The following RFX3 variants were observed in gnomAD, a reference collection of about 807,000 sequenced individuals.
RFX3 encodes regulatory factor X3.
A neutral mutation model predicts 98.6 loss-of-function variants in RFX3; 14 were observed. The ratio of observed to expected loss-of-function variants is 0.14; its 90% confidence interval spans 0.09 to 0.22. The LOEUF (loss-of-function observed/expected upper bound fraction) is 0.22. Among genes scored for constraint, RFX3 ranks in the 10% least tolerant of loss-of-function variants. The pLI, the probability that RFX3 is intolerant of heterozygous loss-of-function variation, is 1.00. For synonymous variants in RFX3, 383 were observed against 328.4 expected, an observed-to-expected ratio of 1.17 and a Z score of -1.80; for missense variants, 639 against 926.9, an observed-to-expected ratio of 0.69 and a Z score of 4.03.
intron 15 of RFX3, among the ~76,000 whole-genome samples, chr9:3,245,479 G>A (rs1299731694): frequency 6.6e-6 from 1 of 152,136 alleles, no homozygotes; most frequent in Non-Finnish European, 1.5e-5. Flanking sequence ...GGTTTCAAGT[G>A]GGGGATGACA....
chr9:3,361,530 A>G (rs1355254806), intron 2 of RFX3, among the ~76,000 whole-genome samples: 1 of 152,036 alleles, frequency 6.6e-6, no homozygotes, highest in African/African-American at 2.4e-5. Flanking sequence ...ACCAGGCACA[A>G]TGGCTCATTC....
At chr9:3,233,990 T>C (rs1385197740) in intron 15 of RFX3, among the ~76,000 whole-genome samples, 1 of 152,096 alleles carries the variant, frequency 6.6e-6, no homozygotes, top group African/African-American at 2.4e-5. Flanking sequence ...CATAGAAAAA[T>C]TGCATCTTAC....
At chr9:3,241,000 T>A (rs1819839250) in intron 15 of RFX3, among the ~76,000 whole-genome samples, 1 of 152,238 alleles carries the variant, frequency 6.6e-6, no homozygotes, top group Admixed American at 6.5e-5. Flanking sequence ...AAGAGGACTG[T>A]GTGCTGAGAT....
At chr9:3,330,151 C>A (rs13299535) in intron 4 of RFX3, 108 bp downstream of exon 4, 2 of 1,134,380 alleles carry the variant, frequency 1.8e-6, no homozygotes, top group East Asian at 5.1e-5. Context: ...CTATCCAACA[C>A]ATTCTTGCCC....
chr9:3,502,003 G>A (rs1816071349), intron 1 of RFX3, among the ~76,000 whole-genome samples: 1 of 151,770 alleles, frequency 6.6e-6, no homozygotes, highest in Non-Finnish European at 1.5e-5. Context: ...TGTAATCCCA[G>A]CACTCTGGGA....
intron 11 of RFX3, among the ~76,000 whole-genome samples, chr9:3,269,723 G>A (rs1371505274): frequency 6.6e-6 from 1 of 152,134 alleles, no homozygotes; most frequent in Non-Finnish European, 1.5e-5. Flanking sequence ...CAATGCTTGT[G>A]TAGTTACAAA....
rs78588642 is a variant in RFX3 at position 3,411,308 on chromosome 9, G to A, written c.-8-15712C>T. ...GAGAGCAACCCAGTCCATCTTCCTC[G>A]CTCTGTGTCTTTCTTTCCCCCTTTC... is the stretch of plus-strand genomic sequence containing the variant. On this transcript the variant is annotated intron_variant, in intron 1 of 16. Coordinates refer to ENST00000617270, the MANE Select transcript of RFX3 (RefSeq NM_001282116.2). Among the ~76,000 whole-genome samples the A allele has an allele frequency of 8.6e-5, 13 of 151,928 alleles. No individual in the cohort carries two copies. In the South Asian group the frequency reaches 1.3e-3, roughly 15 times the overall value.
intron 4 of RFX3, among the ~76,000 whole-genome samples, chr9:3,314,058 G>A (rs554146301): frequency 6.6e-6 from 1 of 152,074 alleles, no homozygotes; most frequent in Admixed American, 6.6e-5. Context: ...ACAACTCCAA[G>A]ACACATAATT....
chr9:3,460,676 C>T (rs1847604881), intron 1 of RFX3, among the ~76,000 whole-genome samples: 1 of 151,938 alleles, frequency 6.6e-6, no homozygotes, highest in Non-Finnish European at 1.5e-5. Flanking sequence ...ACTCTCAGAG[C>T]TAATACCTTA....
intron 4 of RFX3, among the ~76,000 whole-genome samples, chr9:3,322,232 T>C (rs974683796): frequency 1.3e-5 from 2 of 152,202 alleles, no homozygotes; most frequent in South Asian, 2.1e-4. Flanking sequence ...TATTGAAATT[T>C]CTTATCCAAG....
At position 3,221,760 on chromosome 9, in the gene RFX3, CTA is replaced by C. The variant is rs1022994924; in HGVS notation, c.*3280_*3281del. ...AAATCTTTTGAGTATGATTTTCAAA[CTA>C]TATGTCAAGATCAAACTATACCCAT... On this transcript the variant is annotated 3_prime_UTR_variant, in exon 17 of 17. Transcript: ENST00000617270. 5.2e-4 allele frequency: 79 copies of C among 152,268 alleles called. No individual in the cohort carries two copies. Among genetic ancestry groups the C allele is most frequent in the African/African-American group, 1.7e-3 (72 of 41,558 alleles). 9.4% of individuals were successfully genotyped at this position (152,268 alleles called of 1,614,324 possible). A position where few individuals can be genotyped will look rare whatever the true frequency, so the allele number is the denominator to read the frequency against.
chr9:3,399,678 G>A (rs1841282686), intron 1 of RFX3, among the ~76,000 whole-genome samples: 1 of 151,672 alleles, frequency 6.6e-6, no homozygotes, highest in South Asian at 2.1e-4. Context: ...GGGGCCGGGG[G>A]CAGTGGCTCA....
In RFX3 at chr9:3,466,498, A is replaced by T. The variant is rs188423666; in HGVS notation, c.-9+59249T>A. Among the ~76,000 whole-genome samples, 208 of 152,302 alleles carry T rather than the reference A, an allele frequency of 1.4e-3. 1 individual carries two copies. Among genetic ancestry groups the T allele is most frequent in the African/African-American group, 4.7e-3 (196 of 41,574 alleles). On this transcript the variant is annotated intron_variant, in intron 1 of 16. Coordinates refer to ENST00000617270, the MANE Select transcript of RFX3 (RefSeq NM_001282116.2). ...AGATGAAGAACATGGAAAAAATGAAATCTATTAGTATAGGTTGGCACAAAA... is the reference window on the plus strand; with the variant it reads ...AGATGAAGAACATGGAAAAAATGAATTCTATTAGTATAGGTTGGCACAAAA...
intron 1 of RFX3, among the ~76,000 whole-genome samples, chr9:3,473,567 A>C (rs1255772884): frequency 1.3e-5 from 2 of 152,192 alleles, no homozygotes; most frequent in African/African-American, 4.8e-5. Context: ...CTTGCTATGT[A>C]AACCCACATT....
chr9:3,223,359 C>T lies in RFX3; in HGVS notation c.*1683G>A, dbSNP rs1042897441. The T allele has an allele frequency of 3.3e-5, 5 of 152,150 alleles. No individual in the cohort carries two copies. The highest frequency in any genetic ancestry group is 1.2e-4 in the African/African-American group (5 of 41,434). The allele number at this position is 152,150 out of a possible 1,614,324, so 9.4% of individuals were successfully genotyped here. A position where few individuals can be genotyped will look rare whatever the true frequency, so the allele number is the denominator to read the frequency against. On this transcript the variant is annotated 3_prime_UTR_variant, in exon 17 of 17. Transcript: ENST00000617270. ...CTTCTGACTTTATAGCAGACTCCTG[C>T]CCCATGGGCACTCATGTGTCCATGT...
intron 1 of RFX3, among the ~76,000 whole-genome samples, chr9:3,396,188 C>A (rs978455718): frequency 3.3e-5 from 5 of 152,014 alleles, no homozygotes; most frequent in East Asian, 1.9e-4. Context: ...ATGCCTCCCC[C>A]CTCCCCTCCA....
chr9:3,346,848 C>G, intron 2 of RFX3, 84 bp from the exon 3 acceptor site: 1 of 808,518 alleles, frequency 1.2e-6, no homozygotes, highest in Non-Finnish European at 2.1e-6. Flanking sequence ...AAAGGTTTAT[C>G]CGGTATTATT....
intron 1 of RFX3, among the ~76,000 whole-genome samples, chr9:3,504,942 ATAATATAATATATATTAT>A (rs1816735469): frequency 1.6e-5 from 1 of 62,054 alleles, no homozygotes; most frequent in Non-Finnish European, 2.4e-5. Context: ...TATAATATAT[ATAATATAATATATATTAT>A]ATATAATATA....
intron 1 of RFX3, among the ~76,000 whole-genome samples, chr9:3,408,239 A>C (rs1188680690): frequency 2.0e-5 from 3 of 152,108 alleles, no homozygotes; most frequent in Non-Finnish European, 4.4e-5. Context: ...CACTGCAATC[A>C]AGGGCAATAA....
Sources: gnomAD v4.1 joint callset for allele counts (sites outside exome capture counted in the v4.1 genomes callset) on GRCh38, gnomAD v4.1.1 for gene constraint, MANE v1.5 for transcripts, NCBI Gene and HGNC (gene_info 2026-07-23, HGNC 2026-07-21) for gene names.